Variants in TRAPPC11 observed in about 807,000 individuals in gnomAD.
TRAPPC11 encodes foie gras homolog.
A neutral mutation model predicts 151.2 loss-of-function variants in TRAPPC11; 104 were observed. The ratio of observed to expected loss-of-function variants is 0.69; its 90% confidence interval spans 0.59 to 0.81. The LOEUF is 0.81. Among genes scored for constraint, TRAPPC11 ranks in the 30% least tolerant of loss-of-function variants. The pLI, the probability that TRAPPC11 is intolerant of heterozygous loss-of-function variation, is 0.00. For synonymous variants in TRAPPC11, 456 were observed against 472.3 expected (o/e 0.97, Z 0.45); for missense variants, 1,230 against 1,349.6 (o/e 0.91, Z 1.39).
intron 28 of TRAPPC11, 47 bp downstream of exon 28, chr4:183,706,987 A>T (rs776553610): frequency 1.2e-6 from 2 of 1,600,192 alleles, no homozygotes; most frequent in South Asian, 2.2e-5. Context: ...AAAGTGTGCC[A>T]GGAAACGGAG....
chr4:183,660,926 C>A lies in TRAPPC11; in HGVS notation c.-22+1479C>A, dbSNP rs533536409. ...ACGGGGTTTCACCCTATTGGCCAGGCTGGTTTTGAACCGTTGACCTCGTGA... is the reference window on the plus strand; with the variant it reads ...ACGGGGTTTCACCCTATTGGCCAGGATGGTTTTGAACCGTTGACCTCGTGA... On this transcript the variant is annotated intron_variant, in intron 1 of 29. Coordinates refer to ENST00000334690, the MANE Select transcript of TRAPPC11 (RefSeq NM_021942.6). Among the ~76,000 whole-genome samples, 543 of 148,498 alleles carry A rather than the reference C, an allele frequency of 3.7e-3. 7 individuals are homozygous for A. The highest frequency in any genetic ancestry group is 4.4e-3 in the African/African-American group (181 of 41,320).
At chr4:183,693,789 G>A (rs750001988) in intron 21 of TRAPPC11, 52 bp downstream of exon 21, 3 of 1,603,838 alleles carry the variant, frequency 1.9e-6, no homozygotes, top group Admixed American at 1.7e-5. Flanking sequence ...CATTAAATAA[G>A]CATCAGTGAT....
At chr4:183,673,163 C>T (rs935076720) in intron 5 of TRAPPC11, among the ~76,000 whole-genome samples, 3 of 151,910 alleles carry the variant, frequency 2.0e-5, no homozygotes, top group African/African-American at 7.3e-5. Context: ...AGGGTTTCAC[C>T]GTGTTAGCCA....
At position 183,663,914 on chromosome 4, in the gene TRAPPC11, C is replaced by T; in HGVS notation, c.47C>T (p.Pro16Leu). 6.2e-7 allele frequency: 1 copy of T among 1,614,130 alleles called. No homozygotes were observed. Among genetic ancestry groups the T allele is most frequent in the Non-Finnish European group, 8.5e-7 (1 of 1,180,008 alleles). ...TTCCCTGTGGAATTATGTTGCCGGCCTATGGCCTTTGTTACTCTAACGGGC... is the reference window on the plus strand; with the variant it reads ...TTCCCTGTGGAATTATGTTGCCGGCTTATGGCCTTTGTTACTCTAACGGGC... ...WDFPVELCCRPMAFVTLTGLD... is the reference protein window; with the variant it reads ...WDFPVELCCRLMAFVTLTGLD... Residue 16 changes from proline (P) to leucine (L), a missense_variant, in exon 2 of 30, where the codon CCT becomes CTT. Transcript: ENST00000334690.
chr4:183,676,733 G>A (rs1254245054), intron 7 of TRAPPC11, among the ~76,000 whole-genome samples: 1 of 152,200 alleles, frequency 6.6e-6, no homozygotes, highest in African/African-American at 2.4e-5. Context: ...CACTTAACCT[G>A]TAGAGGTACT....
At chr4:183,671,457 G>A (rs1264882116) in intron 5 of TRAPPC11, among the ~76,000 whole-genome samples, 1 of 152,036 alleles carries the variant, frequency 6.6e-6, no homozygotes, top group Non-Finnish European at 1.5e-5. Flanking sequence ...CTCATCCCCC[G>A]CAGCCCCAAC....
chr4:183,687,183 AAT>A (rs534572257), intron 18 of TRAPPC11, among the ~76,000 whole-genome samples: 60 of 150,150 alleles, frequency 4.0e-4, no homozygotes, highest in African/African-American at 1.2e-3. Context: ...TGTGTCAAAA[AAT>A]ATATATATAT....
At chr4:183,694,147 A>G in intron 22 of TRAPPC11, 109 bp downstream of exon 22, 1 of 1,171,936 alleles carries the variant, frequency 8.5e-7, no homozygotes, top group Non-Finnish European at 1.2e-6. Flanking sequence ...CTAGGACTGA[A>G]AAAGTGATTT....
intron 8 of TRAPPC11, among the ~76,000 whole-genome samples, chr4:183,678,417 G>GT (rs35516132): frequency 0.02 from 3,015 of 152,072 alleles, 42 homozygotes; most frequent in Non-Finnish European, 0.032. Flanking sequence ...TTAATTCGCT[G>GT]TTTTTTTCTA....
chr4:183,698,891 G>T (rs1271994104), intron 25 of TRAPPC11, among the ~76,000 whole-genome samples: 1 of 152,108 alleles, frequency 6.6e-6, no homozygotes, highest in Non-Finnish European at 1.5e-5. Flanking sequence ...TCCTTCACAC[G>T]CACATCTATC....
Position 183,666,396 on chromosome 4 carries a change from C to T in TRAPPC11, c.344C>T (p.Ser115Phe). 3 of 1,614,006 alleles carry T rather than the reference C, an allele frequency of 1.9e-6. No homozygotes were observed. The highest frequency in any genetic ancestry group is 2.5e-6 in the Non-Finnish European group (3 of 1,179,906). ...WDEPQWKEKQ[S>F]ECATRVEIVR... is the part of the protein sequence containing the mutation. Reference sequence around the variant, plus strand: ...GAGCCTCAGTGGAAAGAAAAGCAGTCTGAGTGCGCCACCAGAGTGGAAATA... The same window carrying T: ...GAGCCTCAGTGGAAAGAAAAGCAGTTTGAGTGCGCCACCAGAGTGGAAATA... The change falls in exon 3 of 30, where the codon TCT becomes TTT. Residue 115 changes from serine (S) to phenylalanine (F), a missense_variant. Ser to Phe is a radical substitution (Grantham distance 155). Transcript: ENST00000334690.
At chr4:183,702,947 A>C (rs566751667) in intron 26 of TRAPPC11, among the ~76,000 whole-genome samples, 1 of 152,364 alleles carries the variant, frequency 6.6e-6, no homozygotes, top group South Asian at 2.1e-4. Flanking sequence ...TGAAAAAGTT[A>C]TAAATTATCA....
intron 2 of TRAPPC11, 111 bp downstream of exon 2, chr4:183,664,182 G>C: frequency 1.1e-6 from 1 of 902,624 alleles, no homozygotes; most frequent in East Asian, 2.4e-5. Context: ...TGGTCACAGT[G>C]GTGCATAAAG....
intron 1 of TRAPPC11, among the ~76,000 whole-genome samples, chr4:183,661,967 G>A (rs1281207534): frequency 6.6e-6 from 1 of 151,666 alleles, no homozygotes; most frequent in African/African-American, 2.4e-5. Context: ...ATCTCACTAT[G>A]TTTCCCAGGC....
intron 25 of TRAPPC11, among the ~76,000 whole-genome samples, chr4:183,700,261 C>T (rs1736740037): frequency 6.6e-6 from 1 of 152,146 alleles, no homozygotes; most frequent in African/African-American, 2.4e-5. Flanking sequence ...TACTGGGCTA[C>T]AATATCATTT....
At chr4:183,685,518 T>C (rs1735920815) in intron 17 of TRAPPC11, 115 bp downstream of exon 17, 5 of 1,237,672 alleles carry the variant, frequency 4.0e-6, no homozygotes, top group Non-Finnish European at 5.6e-6. Flanking sequence ...AGTATAATCA[T>C]GTTATAGATA....
intron 27 of TRAPPC11, among the ~76,000 whole-genome samples, chr4:183,706,292 G>C (rs1737062134): frequency 1.3e-5 from 2 of 152,192 alleles, no homozygotes; most frequent in South Asian, 4.1e-4. Context: ...GGGAGGCCAA[G>C]GTGGGTGGAT....
At chr4:183,664,278 T>C (rs1488577488) in intron 2 of TRAPPC11, among the ~76,000 whole-genome samples, 3 of 152,186 alleles carry the variant, frequency 2.0e-5, no homozygotes, top group Non-Finnish European at 4.4e-5. Flanking sequence ...ATAATTACTT[T>C]ATAAAGCTTT....
intron 25 of TRAPPC11, among the ~76,000 whole-genome samples, chr4:183,700,536 A>T (rs1172351255): frequency 6.6e-6 from 1 of 152,164 alleles, no homozygotes; most frequent in Admixed American, 6.5e-5. Context: ...GGCTCTGGAG[A>T]GCTGAAAGGT....
Sources: allele counts gnomAD v4.1 joint callset (sites outside exome capture counted in the v4.1 genomes callset), GRCh38; gene constraint gnomAD v4.1.1; transcripts MANE v1.5; gene names NCBI Gene and HGNC (gene_info 2026-07-23, HGNC 2026-07-21).